Variants in ZCCHC7 observed in about 807,000 individuals in gnomAD.
ZCCHC7 encodes the protein zinc finger CCHC-type containing 7, also known as zinc finger CCHC domain-containing protein 7.
A neutral mutation model predicts 52.0 loss-of-function variants in ZCCHC7; 35 were observed. The observed-to-expected ratio is 0.67, with a 90% CI of 0.51 to 0.89. The LOEUF (loss-of-function observed/expected upper bound fraction) is 0.89, where lower values mean the gene tolerates loss of function less well. Ranked by LOEUF, ZCCHC7 falls within the 40% of genes least tolerant of loss-of-function variation. The pLI is 0.00. For synonymous variants in ZCCHC7, 217 were observed against 221.5 expected (o/e 0.98, Z 0.18); for missense variants, 574 against 649.1 (o/e 0.88, Z 1.26).
chr9:37,122,027 T>G (rs1346641134), intron 1 of ZCCHC7, among the ~76,000 whole-genome samples: 4 of 152,204 alleles, frequency 2.6e-5, no homozygotes, highest in African/African-American at 7.2e-5. Flanking sequence ...AGTGTATTCA[T>G]CACATTCCAA....
rs574190937 is a variant in ZCCHC7 at position 37,212,026 on chromosome 9, C to CAAAAAAAAAAAAAAAA, written c.610+85108_610+85123dup. Among the ~76,000 whole-genome samples, 13 of 55,424 alleles carry CAAAAAAAAAAAAAAAA rather than the reference C, an allele frequency of 2.3e-4. 1 individual carries two copies. Among genetic ancestry groups the CAAAAAAAAAAAAAAAA allele is most frequent in the East Asian group, 1.0e-3 (1 of 954 alleles). The allele number at this position is 55,424 out of a possible 152,430, so 36.4% of individuals were successfully genotyped here. A position where few individuals can be genotyped will look rare whatever the true frequency, so the allele number is the denominator to read the frequency against. On this transcript the variant is annotated intron_variant, in intron 2 of 8. Coordinates refer to ENST00000336755, the MANE Select transcript of ZCCHC7 (RefSeq NM_032226.3). ...TGGGTGACAGAGCGAGACTCCGTCT[C>CAAAAAAAAAAAAAAAA]AAAAAAAAAAAAAAAAAAAAAAAAA...
At chr9:37,159,043 G>T (rs556475165) in intron 2 of ZCCHC7, among the ~76,000 whole-genome samples, 2 of 151,830 alleles carry the variant, frequency 1.3e-5, no homozygotes, top group Admixed American at 1.3e-4. Flanking sequence ...GTCTGTTTGG[G>T]GCACAATCAG....
chr9:37,322,760 T>G (rs1347999255), intron 5 of ZCCHC7, among the ~76,000 whole-genome samples: 1 of 151,774 alleles, frequency 6.6e-6, no homozygotes, highest in African/African-American at 2.4e-5. Flanking sequence ...TGTTCATTGT[T>G]TTATTTTTTC....
At chr9:37,303,109 G>A (rs1046348341) in intron 3 of ZCCHC7, among the ~76,000 whole-genome samples, 2 of 152,094 alleles carry the variant, frequency 1.3e-5, no homozygotes, top group Admixed American at 6.5e-5. Context: ...AGAAAAACAT[G>A]GTGTACATTC....
intron 2 of ZCCHC7, among the ~76,000 whole-genome samples, chr9:37,163,385 CA>C (rs1022187626): frequency 0.067 from 5,192 of 77,048 alleles, 226 homozygotes; most frequent in African/African-American, 0.21. Flanking sequence ...GACTCCATCT[CA>C]AAAAAAAAAA....
At chr9:37,276,622 CTT>C (rs948364949) in intron 2 of ZCCHC7, among the ~76,000 whole-genome samples, 2 of 152,044 alleles carry the variant, frequency 1.3e-5, no homozygotes, top group African/African-American at 4.8e-5. Flanking sequence ...TTCATACTGT[CTT>C]TTGGGAAATT....
intron 2 of ZCCHC7, among the ~76,000 whole-genome samples, chr9:37,235,091 C>T (rs1246350146): frequency 6.6e-6 from 1 of 152,162 alleles, no homozygotes; most frequent in Non-Finnish European, 1.5e-5. Context: ...CTGGCAAGTA[C>T]ATTCAAAATG....
intron 2 of ZCCHC7, among the ~76,000 whole-genome samples, chr9:37,165,280 A>T: frequency 6.6e-6 from 1 of 151,860 alleles, no homozygotes. Flanking sequence ...GGAATAAAAA[A>T]GGCAGTTTTA....
intron 2 of ZCCHC7, among the ~76,000 whole-genome samples, chr9:37,169,394 A>G (rs947714831): frequency 6.6e-6 from 1 of 152,142 alleles, no homozygotes; most frequent in African/African-American, 2.4e-5. Context: ...TTGGGGGCCT[A>G]CCCGCTAGAG....
intron 6 of ZCCHC7, among the ~76,000 whole-genome samples, chr9:37,331,877 G>A (rs1215250751): frequency 6.6e-6 from 1 of 151,472 alleles, no homozygotes; most frequent in African/African-American, 2.4e-5. Flanking sequence ...GCGCTTTGGT[G>A]TGTTTAAGAA....
In ZCCHC7 at chr9:37,212,455, TA is replaced by T. The variant is rs967669876; in HGVS notation, c.610+85521del. Among the ~76,000 whole-genome samples, 10 of 152,234 alleles carry T rather than the reference TA, an allele frequency of 6.6e-5. No individual in the cohort carries two copies. The East Asian group carries it at 1.3e-3, about 21-fold the overall frequency. On this transcript the variant is annotated intron_variant, in intron 2 of 8. Coordinates refer to ENST00000336755, the MANE Select transcript of ZCCHC7 (RefSeq NM_032226.3). The stretch of plus-strand genomic sequence containing the variant: ...TCTACTTTAGAAAAGAGCAGATCTT[TA>T]AAAAAAATTGCTTTTCTTAAGGGTG...
In ZCCHC7 at chr9:37,305,493, A is replaced by ATC. The variant is rs755329426; in HGVS notation, c.781-49_781-48dup. On this transcript the variant is annotated intron_variant, in intron 4 of 8. Transcript: ENST00000336755. ...GGATTATATTGAAAAACAAATACTA[A>ATC]TCTTCTACCTTTTGAGACTGAAGAG... 13 of 1,597,778 alleles carry ATC rather than the reference A, an allele frequency of 8.1e-6. No homozygotes were observed. The East Asian group carries it at 2.7e-4, about 33-fold the overall frequency.
At chr9:37,304,907 C>T (rs952089071) in intron 4 of ZCCHC7, among the ~76,000 whole-genome samples, 7 of 152,044 alleles carry the variant, frequency 4.6e-5, no homozygotes, top group African/African-American at 1.4e-4. Context: ...TTCCTGAGAC[C>T]CCTTTCACTT....
intron 2 of ZCCHC7, among the ~76,000 whole-genome samples, chr9:37,270,190 AC>A (rs1237425795): frequency 1.3e-5 from 2 of 152,220 alleles, no homozygotes; most frequent in African/African-American, 4.8e-5. Flanking sequence ...TAACGTGACT[AC>A]TAGAAAATTT....
intron 2 of ZCCHC7, among the ~76,000 whole-genome samples, chr9:37,287,860 A>G (rs1308354524): frequency 3.9e-5 from 6 of 152,004 alleles, no homozygotes; most frequent in African/African-American, 7.3e-5. Context: ...TTTGCTCCAT[A>G]AAAGTATTCT....
chr9:37,155,222 G>A (rs1159778026), intron 2 of ZCCHC7, among the ~76,000 whole-genome samples: 2 of 152,234 alleles, frequency 1.3e-5, no homozygotes, highest in African/African-American at 4.8e-5. Context: ...TTAGCCGGGC[G>A]TGGTGGTGGG....
At chr9:37,212,470 T>C (rs1162878608) in intron 2 of ZCCHC7, among the ~76,000 whole-genome samples, 2 of 152,224 alleles carry the variant, frequency 1.3e-5, no homozygotes, top group African/African-American at 4.8e-5. Flanking sequence ...AAAATTGCTT[T>C]TCTTAAGGGT....
intron 2 of ZCCHC7, among the ~76,000 whole-genome samples, chr9:37,175,317 G>A (rs977959108): frequency 1.3e-5 from 2 of 152,114 alleles, no homozygotes; most frequent in Non-Finnish European, 2.9e-5. Context: ...ACTGAGGACT[G>A]ATGTTCATTG....
intron 6 of ZCCHC7, among the ~76,000 whole-genome samples, chr9:37,332,792 G>A (rs544476969): frequency 4.3e-4 from 65 of 151,508 alleles, no homozygotes; most frequent in African/African-American, 1.3e-3. Flanking sequence ...ATTTTCTAAA[G>A]CTACTGTAAA....
Sources: gnomAD v4.1 joint callset for allele counts (sites outside exome capture counted in the v4.1 genomes callset) on GRCh38, gnomAD v4.1.1 for gene constraint, MANE v1.5 for transcripts, NCBI Gene and HGNC (gene_info 2026-07-23, HGNC 2026-07-21) for gene names.